The following UTRN variants were observed in gnomAD, a reference collection of about 807,000 sequenced individuals.
UTRN encodes the protein dystrophin-related protein 1.
A neutral mutation model predicts 463.9 loss-of-function variants in UTRN; 283 were observed. The ratio of observed to expected loss-of-function variants is 0.61; its 90% confidence interval spans 0.55 to 0.67. The LOEUF is 0.67. Ranked by LOEUF, UTRN falls within the 30% of genes least tolerant of loss-of-function variation. The pLI is 0.00. For missense variants in UTRN, 3,922 were observed against 4,084.3 expected, an observed-to-expected ratio of 0.96 and a Z score of 1.08; for synonymous variants, 1,442 against 1,431.5, an observed-to-expected ratio of 1.01 and a Z score of -0.17.
rs571404475 is a variant in UTRN, at chr6:144,510,434, A to G, written c.4765-510A>G. 1.2e-4 allele frequency among the ~76,000 whole-genome samples: 18 copies of G among 152,276 alleles called. No homozygotes were observed. In the South Asian group the frequency reaches 3.7e-3, roughly 32 times the overall value. On this transcript the variant is annotated intron_variant, in intron 34 of 74. Transcript: ENST00000367545. ...AAATGTTTTTTTGTAATGTTTATTC[A>G]GTATATTATATGTGAAATCACCCAG...
At chr6:144,386,760 G>A (rs965117616) in intron 2 of UTRN, among the ~76,000 whole-genome samples, 4 of 151,848 alleles carry the variant, frequency 2.6e-5, no homozygotes, top group Non-Finnish European at 5.9e-5. Flanking sequence ...GCATTTTAGC[G>A]GATGTGCAAT....
intron 66 of UTRN, among the ~76,000 whole-genome samples, chr6:144,824,537 AATAC>A (rs1192227518): frequency 1.8e-5 from 2 of 113,052 alleles, no homozygotes; most frequent in African/African-American, 6.1e-5. Context: ...ACACAAATAT[AATAC>A]ATATGTATAT....
chr6:144,399,905 C>T (rs9496954), intron 2 of UTRN, among the ~76,000 whole-genome samples: 15,963 of 152,116 alleles, frequency 0.1, 2,795 homozygotes, highest in African/African-American at 0.36. Context: ...GAAATAAAAT[C>T]CCAGGCTAGG....
intron 2 of UTRN, among the ~76,000 whole-genome samples, chr6:144,388,701 A>T (rs1781633308): frequency 6.6e-6 from 1 of 151,924 alleles, no homozygotes. Context: ...TTTTGTAGAG[A>T]TGAGGTTTTG....
intron 4 of UTRN, 60 bp downstream of exon 4, chr6:144,422,030 C>T: frequency 1.4e-6 from 2 of 1,382,598 alleles, no homozygotes; most frequent in Admixed American, 1.9e-5. Context: ...CTTGATGACC[C>T]AGTGTGGGTA....
chr6:144,720,501 A>T (rs757668464), intron 53 of UTRN, among the ~76,000 whole-genome samples: 14 of 152,216 alleles, frequency 9.2e-5, no homozygotes, highest in Non-Finnish European at 1.8e-4. Flanking sequence ...AAGTGAATTC[A>T]GGCTCTTAGA....
intron 51 of UTRN, among the ~76,000 whole-genome samples, chr6:144,584,461 G>T (rs1166378999): frequency 6.6e-6 from 1 of 151,946 alleles, no homozygotes; most frequent in Non-Finnish European, 1.5e-5. Context: ...AATGTATCTT[G>T]TTGCTCTGTT....
chr6:144,412,432 C>G (rs1401037705), intron 3 of UTRN, among the ~76,000 whole-genome samples: 4 of 151,964 alleles, frequency 2.6e-5, no homozygotes, highest in African/African-American at 9.7e-5. Context: ...TGAAAAATTA[C>G]AAGAATGTAA....
At chr6:144,371,998 A>T (rs560045718) in intron 2 of UTRN, among the ~76,000 whole-genome samples, 26 of 152,348 alleles carry the variant, frequency 1.7e-4, no homozygotes, top group Non-Finnish European at 2.8e-4. Context: ...TCAATAAGAA[A>T]GAAAGTTTCC....
intron 34 of UTRN, among the ~76,000 whole-genome samples, chr6:144,509,231 A>G (rs1440733891): frequency 6.6e-6 from 1 of 152,024 alleles, no homozygotes. Context: ...TTTTTTCTTT[A>G]TAAACATTAT....
At chr6:144,688,189 TAATTCCTTA>T (rs1782946438) in intron 52 of UTRN, among the ~76,000 whole-genome samples, 1 of 152,192 alleles carries the variant, frequency 6.6e-6, no homozygotes, top group Admixed American at 6.5e-5. Flanking sequence ...CTGCGTTTTG[TAATTCCTTA>T]AATATGTATT....
At chr6:144,357,592 C>A (rs7751351) in intron 2 of UTRN, among the ~76,000 whole-genome samples, 19,695 of 152,138 alleles carry the variant, frequency 0.13, 3,907 homozygotes, top group African/African-American at 0.42. Context: ...TTTGTTTTTT[C>A]ATCCTCAAGT....
chr6:144,618,588 GT>G (rs928191552), intron 51 of UTRN, among the ~76,000 whole-genome samples: 2 of 152,018 alleles, frequency 1.3e-5, no homozygotes, highest in African/African-American at 4.8e-5. Context: ...GTAGTCAGTA[GT>G]TAACCAAGAA....
intron 2 of UTRN, among the ~76,000 whole-genome samples, chr6:144,350,868 G>A (rs963765646): frequency 1.3e-5 from 2 of 152,310 alleles, no homozygotes; most frequent in Admixed American, 1.3e-4. Flanking sequence ...ATCTAGGACA[G>A]AGGTTTGAGT....
intron 34 of UTRN, 41 bp downstream of exon 34, chr6:144,499,468 G>T (rs766531650): frequency 6.5e-7 from 1 of 1,527,834 alleles, no homozygotes; most frequent in South Asian, 1.3e-5. Flanking sequence ...TGATGCCAGC[G>T]TAACATGGCA....
chr6:144,670,655 T>G (rs937185889), intron 51 of UTRN, among the ~76,000 whole-genome samples: 14 of 152,068 alleles, frequency 9.2e-5, no homozygotes, highest in African/African-American at 3.1e-4. Flanking sequence ...TCCCGTCTAT[T>G]TATAATTGTT....
intron 2 of UTRN, among the ~76,000 whole-genome samples, chr6:144,389,567 G>A (rs1040608218): frequency 6.7e-6 from 1 of 150,190 alleles, no homozygotes; most frequent in African/African-American, 2.4e-5. Flanking sequence ...AGTCTGAGAA[G>A]TTTTTGCACA....
intron 2 of UTRN, among the ~76,000 whole-genome samples, chr6:144,314,271 T>A (rs1285635173): frequency 6.6e-6 from 1 of 152,176 alleles, no homozygotes; most frequent in Non-Finnish European, 1.5e-5. Flanking sequence ...TTGGGTTGTC[T>A]GAGTGCAAGT....
intron 2 of UTRN, among the ~76,000 whole-genome samples, chr6:144,325,085 GC>G (rs1423072663): frequency 6.6e-6 from 1 of 152,182 alleles, no homozygotes; most frequent in African/African-American, 2.4e-5. Flanking sequence ...AGCCCAGAGA[GC>G]ATGGCAAGGC....
Sources: gnomAD v4.1 joint callset for allele counts (sites outside exome capture counted in the v4.1 genomes callset) on GRCh38, gnomAD v4.1.1 for gene constraint, MANE v1.5 for transcripts, NCBI Gene and HGNC (gene_info 2026-07-23, HGNC 2026-07-21) for gene names.